MLC1: variants seen among roughly 807,000 people sequenced by gnomAD.
MLC1 encodes the protein membrane protein MLC1.
Under a neutral mutation model 44.7 loss-of-function variants are expected in MLC1, and 32 were observed. The observed-to-expected ratio is 0.72, with a 90% CI of 0.54 to 0.96. The LOEUF (loss-of-function observed/expected upper bound fraction) is 0.96. MLC1 is among the 40% of genes least tolerant of loss of function. MLC1 has a pLI of 0.00. For synonymous variants in MLC1, 190 were observed against 213.0 expected (o/e 0.89, Z 0.94); for missense variants, 459 against 492.2 (o/e 0.93, Z 0.64).
Position 50,059,423 on chromosome 22 carries a change from G to A in MLC1, c.*2160C>T, listed in dbSNP as rs891865221. 6 of 152,310 alleles carry A rather than the reference G, an allele frequency of 3.9e-5. No homozygotes were observed. In the South Asian group the frequency reaches 1.0e-3, roughly 26 times the overall value. The allele number at this position is 152,310 out of a possible 1,614,324, so 9.4% of individuals were successfully genotyped here. A position where few individuals can be genotyped will look rare whatever the true frequency, so the allele number is the denominator to read the frequency against. On this transcript the variant is annotated 3_prime_UTR_variant, in exon 12 of 12. Coordinates refer to ENST00000311597, the MANE Select transcript of MLC1 (RefSeq NM_015166.4). The stretch of plus-strand genomic sequence containing the variant: ...GCAAGTCAGCGTTTATTGCTCAAGC[G>A]TATTAAACAAAAATGTAGACTGAAA...
rs2062235760 is a variant in MLC1 at position 50,084,664 on chromosome 22, G to A, written c.177+62C>T. 4 of 1,579,418 alleles carry A rather than the reference G, an allele frequency of 2.5e-6. No homozygotes were observed. In the South Asian group the frequency reaches 4.4e-5, roughly 17 times the overall value. On this transcript the variant is annotated intron_variant, in intron 2 of 11. Transcript: ENST00000311597. Reference sequence around the variant, plus strand: ...CCACCTGGGGCTCCAGGGCGCTGCAGTCCGTCACCAGAGGGACCAGATGCT... The same window carrying A: ...CCACCTGGGGCTCCAGGGCGCTGCAATCCGTCACCAGAGGGACCAGATGCT...
At chr22:50,085,055 T>C (rs2062247869) in intron 1 of MLC1, 94 bp from the exon 2 acceptor site, 9 of 1,471,062 alleles carry the variant, frequency 6.1e-6, no homozygotes, top group South Asian at 1.3e-5. Context: ...ATATTGTTCA[T>C]ACTGAAGTGC....
intron 5 of MLC1, 46 bp from the exon 6 acceptor site, chr22:50,077,548 C>G (rs199578988): frequency 2.0e-6 from 3 of 1,490,902 alleles, no homozygotes; most frequent in African/African-American, 2.8e-5. Context: ...GCCTTTCTCA[C>G]GCCACCGCGC....
At chr22:50,085,629 G>A (rs1328864357), upstream of MLC1, 3 of 153,140 alleles carry the variant, frequency 2.0e-5, no homozygotes, top group African/African-American at 7.2e-5. Flanking sequence ...TCTCTCAGAA[G>A]AAAGAAGCGT....
intron 11 of MLC1, among the ~76,000 whole-genome samples, chr22:50,063,472 CAAAAAA>C (rs1186364376): frequency 1.0e-4 from 8 of 79,578 alleles, no homozygotes; most frequent in Non-Finnish European, 1.3e-4. Flanking sequence ...GACTCCTTCT[CAAAAAA>C]AAAAAAAAAA....
chr22:50,066,106 G>A (rs1268604393), intron 10 of MLC1, among the ~76,000 whole-genome samples: 1 of 152,008 alleles, frequency 6.6e-6, no homozygotes, highest in Non-Finnish European at 1.5e-5. Flanking sequence ...GGGAGGCCAA[G>A]GTGGGCGGAT....
intron 10 of MLC1, among the ~76,000 whole-genome samples, chr22:50,068,224 G>C (rs1034257660): frequency 6.6e-6 from 1 of 152,224 alleles, no homozygotes; most frequent in African/African-American, 2.4e-5. Flanking sequence ...GGTGGCCCCA[G>C]ATACAGGGCG....
chr22:50,070,315 G>A (rs1000416221), intron 9 of MLC1, among the ~76,000 whole-genome samples: 2 of 152,222 alleles, frequency 1.3e-5, no homozygotes, highest in African/African-American at 4.8e-5. Flanking sequence ...ACACCACCTT[G>A]TTCAGGTCTG....
chr22:50,072,973 A>C (rs5771358), intron 8 of MLC1, among the ~76,000 whole-genome samples: 94,774 of 152,172 alleles, frequency 0.62, 30,155 homozygotes, highest in African/African-American at 0.72. Context: ...GGGAGCTGAA[A>C]CACAGCTGCT....
rs182158300 is a variant in MLC1 at position 50,061,298 on chromosome 22, G to A, written c.*285C>T. 16 of 497,800 alleles carry A rather than the reference G, an allele frequency of 3.2e-5. No homozygotes were observed. The highest frequency in any genetic ancestry group is 1.2e-4 in the South Asian group (6 of 48,716). 30.8% of individuals were successfully genotyped at this position (497,800 alleles called of 1,614,324 possible). ...TCAGGGGTGGGGCTCTCAAGAGGCC[G>A]AGCCGGGGGCCCTTCCTCGGCCTGG... On this transcript the variant is annotated 3_prime_UTR_variant, in exon 12 of 12. Coordinates refer to ENST00000311597, the MANE Select transcript of MLC1 (RefSeq NM_015166.4).
chr22:50,078,494 T>C (rs1274535023), intron 5 of MLC1, among the ~76,000 whole-genome samples: 4 of 151,524 alleles, frequency 2.6e-5, no homozygotes, highest in African/African-American at 7.3e-5. Flanking sequence ...ATCCCAGCAC[T>C]TTGGGGGACC....
intron 5 of MLC1, 78 bp from the exon 6 acceptor site, chr22:50,077,580 T>TCACGGG (rs1449915598): frequency 8.3e-7 from 1 of 1,210,234 alleles, no homozygotes; most frequent in Non-Finnish European, 1.2e-6. Flanking sequence ...CCGGACCACC[T>TCACGGG]CACGGGCAGG....
intron 4 of MLC1, 102 bp from the exon 5 acceptor site, chr22:50,080,121 T>C: frequency 1.9e-6 from 2 of 1,059,890 alleles, no homozygotes; most frequent in Non-Finnish European, 2.9e-6. Context: ...TTATCCTGAT[T>C]AGGACATAAT....
At chr22:50,074,707 G>A in intron 7 of MLC1, 1 of 316,582 alleles carries the variant, frequency 3.2e-6, no homozygotes, top group South Asian at 2.9e-5. Flanking sequence ...CCATCGAAGG[G>A]ACTCGGGAAA....
chr22:50,077,362 C>T (rs2062009719), intron 6 of MLC1, 39 bp downstream of exon 6: 4 of 1,583,328 alleles, frequency 2.5e-6, no homozygotes, highest in Non-Finnish European at 2.6e-6. Flanking sequence ...GGTGATGCCT[C>T]TGCACCCCCT....
Position 50,068,416 on chromosome 22 carries a change from A to G in MLC1, c.894+17T>C. Reference sequence around the variant, plus strand: ...GCACCACATGTCTGGGGGGCTCTGAAATAAAATACAACTCACTTTTATGGC... The same window carrying G: ...GCACCACATGTCTGGGGGGCTCTGAGATAAAATACAACTCACTTTTATGGC... On this transcript the variant is annotated intron_variant, in intron 10 of 11. Coordinates refer to ENST00000311597, the MANE Select transcript of MLC1 (RefSeq NM_015166.4). The G allele has an allele frequency of 1.2e-6, 2 of 1,612,720 alleles. No individual in the cohort carries two copies. Among genetic ancestry groups the G allele is most frequent in the Non-Finnish European group, 1.7e-6 (2 of 1,179,122 alleles).
chr22:50,063,774 G>C (rs1422946773), intron 11 of MLC1, among the ~76,000 whole-genome samples: 1 of 125,374 alleles, frequency 8.0e-6, no homozygotes, highest in Non-Finnish European at 1.8e-5. Flanking sequence ...CACCTCCCTG[G>C]CTGGGCCCCC....
At chr22:50,076,008 A>T (rs370964601) in intron 7 of MLC1, among the ~76,000 whole-genome samples, 6 of 152,294 alleles carry the variant, frequency 3.9e-5, no homozygotes, top group African/African-American at 1.4e-4. Context: ...CCAAAATTAG[A>T]GGGAAAAGGA....
At position 50,064,055 on chromosome 22, in the gene MLC1, C is replaced by T. The variant is rs756949575; in HGVS notation, c.1038G>A (p.Pro346=). The change falls in exon 11 of 12, where the codon CCG becomes CCA. Residue 346 remains proline, a synonymous_variant. Transcript: ENST00000311597. ...QGASWDTQNG[P]QERLAGEVAR... ...TCACCTCCCCAGCCAGGCGCTCCTG[C>T]GGGCCGTTCTGGGTGTCCCAGGATG... 5.6e-6 allele frequency: 9 copies of T among 1,606,938 alleles called. No homozygotes were observed. Among genetic ancestry groups the T allele is most frequent in the African/African-American group, 5.3e-5 (4 of 74,900 alleles).
Sources: allele counts gnomAD v4.1 joint callset (sites outside exome capture counted in the v4.1 genomes callset), GRCh38; gene constraint gnomAD v4.1.1; transcripts MANE v1.5; gene names NCBI Gene and HGNC (gene_info 2026-07-23, HGNC 2026-07-21).